TALDO1: variants seen among roughly 807,000 people sequenced by gnomAD.
TALDO1 encodes the protein transaldolase.
TALDO1 carries 29 observed loss-of-function variants against 38.1 expected under a neutral mutation model. The observed-to-expected ratio is 0.76, with a 90% confidence interval of 0.57 to 1.04. TALDO1 has a LOEUF of 1.04. Ranked by LOEUF, TALDO1 falls within the 50% of genes least tolerant of loss-of-function variation. TALDO1 has a pLI of 0.00. For missense variants in TALDO1, 499 were observed against 438.1 expected (o/e 1.14, Z -1.24); for synonymous variants, 207 against 176.8 (o/e 1.17, Z -1.36).
intron 2 of TALDO1, among the ~76,000 whole-genome samples, 178 bp from the exon 3 acceptor site, chr11:758,772 T>C (rs553228250): frequency 2.0e-3 from 298 of 152,256 alleles, no homozygotes; most frequent in Middle Eastern, 0.01. Context: ...GCCCAGCTAA[T>C]TTTTTAATAT....
At chr11:764,119 T>C in intron 6 of TALDO1, 169 bp from the exon 7 acceptor site, 1 of 1,392,958 alleles carries the variant, frequency 7.2e-7, no homozygotes, top group South Asian at 1.2e-5. Flanking sequence ...ACTCAAGTCA[T>C]CAGCCAAGGC....
At chr11:758,695 C>A (rs551420192) in intron 2 of TALDO1, among the ~76,000 whole-genome samples, 1 of 151,948 alleles carries the variant, frequency 6.6e-6, no homozygotes, top group Non-Finnish European at 1.5e-5. Context: ...AGCTCCACCT[C>A]CCAGGTTCAC....
chr11:752,798 G>A (rs1277205572), intron 1 of TALDO1, among the ~76,000 whole-genome samples: 2 of 152,176 alleles, frequency 1.3e-5, no homozygotes, highest in Non-Finnish European at 2.9e-5. Context: ...CAAATTAATG[G>A]AACACAAAGG....
In TALDO1 at chr11:763,865, C is replaced by A. The variant is rs1863001576; in HGVS notation, c.756C>A (p.Phe252Leu). The change falls in exon 6 of 8, where the codon TTC becomes TTA. Residue 252 changes from phenylalanine (F) to leucine (L), a missense_variant. Coordinates refer to ENST00000319006, the MANE Select transcript of TALDO1 (RefSeq NM_006755.2). ...GEIKALAGCD[F>L]LTISPKLLGE... ...TCAAAGCACTGGCCGGCTGTGACTT[C>A]CTCACCATCTCACCCAAGCTCCTGG... The A allele has an allele frequency of 6.2e-7, 1 of 1,613,770 alleles. No individual in the cohort carries two copies. Among genetic ancestry groups the A allele is most frequent in the Admixed American group, 1.7e-5 (1 of 60,016 alleles).
intron 1 of TALDO1, among the ~76,000 whole-genome samples, chr11:751,027 T>A (rs970803023): frequency 7.2e-5 from 11 of 152,172 alleles, no homozygotes; most frequent in Non-Finnish European, 1.5e-4. Context: ...AACAATAGTT[T>A]TAAGAATAAA....
intron 1 of TALDO1, 123 bp downstream of exon 1, chr11:747,701 C>T (rs969807292): frequency 6.0e-6 from 5 of 839,630 alleles, no homozygotes; most frequent in Non-Finnish European, 7.1e-6. Flanking sequence ...CGGCTCGTTC[C>T]GGGAGGAATG....
rs1131117 is a variant in TALDO1 at position 764,872 on chromosome 11, C to A, written c.*27C>A. ...GCATCCCTGAGGCTGGACTCCAGATCTGCACCGCCGGCCAGCTGGGATCTG... is the reference window on the plus strand; with the variant it reads ...GCATCCCTGAGGCTGGACTCCAGATATGCACCGCCGGCCAGCTGGGATCTG... On this transcript the variant is annotated 3_prime_UTR_variant, in exon 8 of 8. Transcript: ENST00000319006. The A allele has an allele frequency of 1.2e-6, 2 of 1,613,866 alleles. No homozygotes were observed. Among genetic ancestry groups the A allele is most frequent in the African/African-American group, 1.3e-5 (1 of 75,060 alleles).
In TALDO1 at chr11:763,792, G is replaced by A. The variant is rs752356764; in HGVS notation, c.683G>A (p.Ser228Asn). 5.0e-6 allele frequency: 8 copies of A among 1,614,080 alleles called. No individual in the cohort carries two copies. The highest frequency in any genetic ancestry group is 5.9e-6 in the Non-Finnish European group (7 of 1,180,022). The change falls in exon 6 of 8, where the codon AGC (serine) becomes AAC (asparagine). Residue 228 changes from serine to asparagine, a missense_variant. By Grantham distance (46) the Ser-to-Asn change is conservative (BLOSUM62 1). Transcript: ENST00000319006. ...ATCTACAACTACTACAAGAAGTTTAGCTACAAAACCATTGTCATGGGCGCC... is the reference window on the plus strand; with the variant it reads ...ATCTACAACTACTACAAGAAGTTTAACTACAAAACCATTGTCATGGGCGCC... ...TKIYNYYKKF[S>N]YKTIVMGASF...
chr11:756,310 CTCTGGTAACACTT>C, intron 2 of TALDO1: 1 of 393,752 alleles, frequency 2.5e-6, no homozygotes, highest in East Asian at 5.2e-5. Context: ...GTCTCCCCAG[CTCTGGTAACACTT>C]ACCTTCTGGC....
At position 763,744 on chromosome 11, in the gene TALDO1, C is replaced by T. The variant is rs747973597; in HGVS notation, c.638-3C>T. ...TCCTGGTCACAGCTTGGTCTCTTTC[C>T]AGGGGTAAAGAGTGTCACTAAAATC... is the stretch of plus-strand genomic sequence containing the variant. On this transcript the variant is annotated splice_region_variant and splice_polypyrimidine_tract_variant and intron_variant, in intron 5 of 7. Transcript: ENST00000319006. The T allele has an allele frequency of 6.3e-5, 102 of 1,613,844 alleles. No individual in the cohort carries two copies. The South Asian group carries it at 1.1e-3, about 17-fold the overall frequency.
chr11:763,484 CCGA>C lies in TALDO1; in HGVS notation c.604_606del (p.Asp202del). The stretch of plus-strand genomic sequence containing the variant: ...ATCCTTGATTGGCATGTGGCAAACA[CCGA>C]CAAGAAATCCTATGAGCCCCTGGAA... On this transcript the variant is annotated inframe_deletion, in exon 5 of 8. Transcript: ENST00000319006. 6.2e-7 allele frequency: 1 copy of C among 1,613,634 alleles called. No individual in the cohort carries two copies. Among genetic ancestry groups the C allele is most frequent in the South Asian group, 1.1e-5 (1 of 91,030 alleles).
In TALDO1 at chr11:758,910, C is replaced by T. The variant is rs375716755; in HGVS notation, c.222-40C>T. On this transcript the variant is annotated intron_variant, in intron 2 of 7. Coordinates refer to ENST00000319006, the MANE Select transcript of TALDO1 (RefSeq NM_006755.2). ...GTGAGCCACCGCACCTGGCGAACCT[C>T]AGAAGCTTCTAACCTGCTTTTTTTC... is the stretch of plus-strand genomic sequence containing the variant. 15 of 1,575,088 alleles carry T rather than the reference C, an allele frequency of 9.5e-6. No homozygotes were observed. In the African/African-American group the frequency reaches 1.7e-4, roughly 18 times the overall value.
intron 2 of TALDO1, among the ~76,000 whole-genome samples, chr11:757,220 G>A (rs1298219952): frequency 1.3e-5 from 2 of 152,042 alleles, no homozygotes; most frequent in African/African-American, 4.8e-5. Flanking sequence ...GTTATTGGGT[G>A]ACATTGGTGC....
intron 1 of TALDO1, among the ~76,000 whole-genome samples, chr11:755,081 C>T (rs1862809176): frequency 6.7e-6 from 1 of 149,320 alleles, no homozygotes; most frequent in Non-Finnish European, 1.5e-5. Context: ...ACTAGGCTTG[C>T]AGGTAATAAT....
chr11:756,090 T>C, intron 2 of TALDO1, 88 bp downstream of exon 2: 1 of 1,521,782 alleles, frequency 6.6e-7, no homozygotes, highest in Non-Finnish European at 8.9e-7. Flanking sequence ...ATTTTAGTTC[T>C]CAAACACCAT....
chr11:751,531 C>T (rs915528451), intron 1 of TALDO1, among the ~76,000 whole-genome samples: 2 of 152,076 alleles, frequency 1.3e-5, no homozygotes, highest in African/African-American at 2.4e-5. Flanking sequence ...TGGTGGCTTA[C>T]GCCTGTAATC....
chr11:755,204 G>A (rs1482535341), intron 1 of TALDO1, among the ~76,000 whole-genome samples: 1 of 142,100 alleles, frequency 7.0e-6, no homozygotes, highest in Non-Finnish European at 1.5e-5. Context: ...GAGTGCAGTG[G>A]CGCGATCTCG....
Position 763,958 on chromosome 11 carries a change from G to A in TALDO1, c.835+14G>A. ...CAGCCAAGGCGGGTGAGGCCCCACT[G>A]CCCAGCTGTGGCTCCTGCTCGGGCA... On this transcript the variant is annotated intron_variant, in intron 6 of 7. Transcript: ENST00000319006. 2 of 1,605,060 alleles carry A rather than the reference G, an allele frequency of 1.2e-6. No individual in the cohort carries two copies. Among genetic ancestry groups the A allele is most frequent in the Non-Finnish European group, 1.7e-6 (2 of 1,179,212 alleles).
intron 4 of TALDO1, among the ~76,000 whole-genome samples, chr11:763,051 C>G (rs1315547242): frequency 6.6e-6 from 1 of 152,208 alleles, no homozygotes; most frequent in African/African-American, 2.4e-5. Flanking sequence ...CCATAACCCA[C>G]TATCCACTTA....
Sources: allele counts gnomAD v4.1 joint callset (sites outside exome capture counted in the v4.1 genomes callset), GRCh38; gene constraint gnomAD v4.1.1; transcripts MANE v1.5; gene names NCBI Gene and HGNC (gene_info 2026-07-23, HGNC 2026-07-21).